Variants in DPYD observed in about 807,000 individuals in gnomAD.
DPYD encodes the protein dihydropyrimidine dehydrogenase [NADP(+)].
A neutral mutation model predicts 116.2 loss-of-function variants in DPYD; 109 were observed. The ratio of observed to expected loss-of-function variants is 0.94; its 90% CI spans 0.80 to 1.10. The LOEUF (loss-of-function observed/expected upper bound fraction) is 1.10. Among genes scored for constraint, DPYD ranks in the 50% least tolerant of loss-of-function variants. The pLI is 0.00. For missense variants in DPYD, 1,302 were observed against 1,254.5 expected (o/e 1.04, Z -0.57); for synonymous variants, 440 against 432.0 (o/e 1.02, Z -0.23).
rs555814512 is a variant in DPYD, at chr1:97,808,328, CTATGT to C, written c.233+19781_233+19785del. ...AGATTTCCTCATATAGATTTTGTACCTATGTTATGAGATTTATTAAATATTTCCTT... is the reference window on the plus strand; with the variant it reads ...AGATTTCCTCATATAGATTTTGTACCTATGAGATTTATTAAATATTTCCTT... On this transcript the variant is annotated intron_variant, in intron 3 of 22. Transcript: ENST00000370192. Among the ~76,000 whole-genome samples the C allele has an allele frequency of 1.4e-3, 214 of 151,998 alleles. 2 individuals are homozygous for C. In the South Asian group the frequency reaches 0.017, roughly 12 times the overall value.
chr1:97,315,909 G>A (rs1004641581), intron 16 of DPYD, among the ~76,000 whole-genome samples: 10 of 151,930 alleles, frequency 6.6e-5, no homozygotes, highest in African/African-American at 2.4e-4. Flanking sequence ...GGACATGGTA[G>A]GAGACAATGA....
At chr1:97,699,238 A>G in intron 6 of DPYD, 113 bp downstream of exon 6, 1 of 1,130,050 alleles carries the variant, frequency 8.8e-7, no homozygotes, top group Non-Finnish European at 1.3e-6. Context: ...AAGAACATTT[A>G]AAATACCATC....
intron 8 of DPYD, among the ~76,000 whole-genome samples, chr1:97,674,717 C>T (rs1660049421): frequency 6.6e-6 from 1 of 151,516 alleles, no homozygotes; most frequent in South Asian, 2.1e-4. Context: ...ACGTCCCACT[C>T]CTGAAATTGT....
intron 3 of DPYD, among the ~76,000 whole-genome samples, chr1:97,760,573 C>T (rs1407276442): frequency 6.6e-6 from 1 of 151,960 alleles, no homozygotes; most frequent in African/African-American, 2.4e-5. Flanking sequence ...GTAAGTTACA[C>T]CCAACTATTA....
intron 11 of DPYD, among the ~76,000 whole-genome samples, chr1:97,554,961 A>G (rs1279104241): frequency 6.6e-6 from 1 of 151,836 alleles, no homozygotes; most frequent in African/African-American, 2.4e-5. Flanking sequence ...TGTTTTTGAC[A>G]TGGTTATCTT....
intron 6 of DPYD, 33 bp from the exon 7 acceptor site, chr1:97,691,831 A>G: frequency 6.3e-7 from 1 of 1,583,890 alleles, no homozygotes; most frequent in Non-Finnish European, 8.7e-7. Context: ...AACAGGCATC[A>G]GTAGAAAAAT....
At chr1:97,730,496 T>C (rs1055870022) in intron 4 of DPYD, among the ~76,000 whole-genome samples, 8 of 152,150 alleles carry the variant, frequency 5.3e-5, no homozygotes, top group African/African-American at 1.9e-4. Flanking sequence ...ATTGAGGGGA[T>C]TACACACGTT....
chr1:97,131,495 G>C (rs1051483012), intron 20 of DPYD, among the ~76,000 whole-genome samples: 2 of 136,498 alleles, frequency 1.5e-5, no homozygotes, highest in African/African-American at 5.3e-5. Flanking sequence ...TATGGGATGT[G>C]CACAAGAAGA....
At chr1:97,374,196 A>G (rs1350206350) in intron 15 of DPYD, among the ~76,000 whole-genome samples, 2 of 152,240 alleles carry the variant, frequency 1.3e-5, no homozygotes, top group African/African-American at 4.8e-5. Flanking sequence ...GAAAATCAAC[A>G]TTATCATACT....
At chr1:97,836,921 A>C (rs1030716328) in intron 2 of DPYD, among the ~76,000 whole-genome samples, 1 of 152,106 alleles carries the variant, frequency 6.6e-6, no homozygotes, top group African/African-American at 2.4e-5. Context: ...TCAAATAAAA[A>C]ACCTAAAATA....
intron 18 of DPYD, among the ~76,000 whole-genome samples, chr1:97,283,884 T>C (rs1416579816): frequency 1.3e-5 from 2 of 152,166 alleles, no homozygotes; most frequent in Non-Finnish European, 2.9e-5. Flanking sequence ...CAGTCAGATC[T>C]GACCTCAAGT....
intron 2 of DPYD, among the ~76,000 whole-genome samples, chr1:97,857,490 T>C (rs183891622): frequency 2.6e-5 from 4 of 152,134 alleles, no homozygotes; most frequent in Admixed American, 1.3e-4. Context: ...ATGGCCATGG[T>C]TTAATCAGTC....
At chr1:97,339,238 T>A (rs1275242374) in intron 16 of DPYD, among the ~76,000 whole-genome samples, 3 of 152,060 alleles carry the variant, frequency 2.0e-5, no homozygotes, top group East Asian at 1.9e-4. Context: ...TCAGCTTCTA[T>A]CAAATAGAAG....
Position 97,737,573 on chromosome 1 carries a change from G to C in DPYD, c.321+2819C>G, listed in dbSNP as rs116534129. Among the ~76,000 whole-genome samples the C allele has an allele frequency of 3.5e-3, 539 of 152,198 alleles. 5 individuals carry two copies. The highest frequency in any genetic ancestry group is 0.012 in the African/African-American group (518 of 41,554). On this transcript the variant is annotated intron_variant, in intron 4 of 22. Coordinates refer to ENST00000370192, the MANE Select transcript of DPYD (RefSeq NM_000110.4). ...AGCAAAGCTTTAGAAAGTTATTCTG[G>C]AAATGATCAATATTTTGTTTGATAA... is the stretch of plus-strand genomic sequence containing the variant.
At chr1:97,763,640 C>T (rs1244219956) in intron 3 of DPYD, among the ~76,000 whole-genome samples, 1 of 151,994 alleles carries the variant, frequency 6.6e-6, no homozygotes, top group Non-Finnish European at 1.5e-5. Context: ...GTTGAACTCA[C>T]CTGAATAATC....
At chr1:97,726,553 A>T (rs976384157) in intron 4 of DPYD, among the ~76,000 whole-genome samples, 11 of 151,520 alleles carry the variant, frequency 7.3e-5, no homozygotes, top group Non-Finnish European at 1.3e-4. Context: ...ATATGACATC[A>T]CAGAAACACT....
intron 16 of DPYD, among the ~76,000 whole-genome samples, chr1:97,316,699 C>G (rs998960884): frequency 2.6e-5 from 4 of 151,678 alleles, no homozygotes; most frequent in African/African-American, 9.7e-5. Flanking sequence ...CTAGTTCTCC[C>G]TTTCCGCTAT....
At chr1:97,856,326 G>A (rs1670843878) in intron 2 of DPYD, 1 of 152,042 alleles carries the variant, frequency 6.6e-6, no homozygotes, top group Non-Finnish European at 1.5e-5. Flanking sequence ...AAAGATAGAG[G>A]AGAATCTTCC....
intron 18 of DPYD, among the ~76,000 whole-genome samples, chr1:97,256,153 T>C (rs548168514): frequency 2.8e-4 from 42 of 152,266 alleles, no homozygotes; most frequent in African/African-American, 9.9e-4. Flanking sequence ...GACTGAATTA[T>C]TTCCCTCCAG....
Sources: allele counts gnomAD v4.1 joint callset (sites outside exome capture counted in the v4.1 genomes callset), GRCh38; gene constraint gnomAD v4.1.1; transcripts MANE v1.5; gene names NCBI Gene and HGNC (gene_info 2026-07-23, HGNC 2026-07-21).